HPS1: variants seen among roughly 807,000 people sequenced by gnomAD.
HPS1 encodes HPS1 biogenesis of lysosomal organelles complex 3 subunit 1.
HPS1 carries 59 observed loss-of-function variants against 90.6 expected under a neutral mutation model. That is an observed-to-expected ratio of 0.65 (90% CI 0.53 to 0.81). The LOEUF (loss-of-function observed/expected upper bound fraction) is 0.81. Among genes scored for constraint, HPS1 ranks in the 30% least tolerant of loss-of-function variants. The pLI, the probability that HPS1 is intolerant of heterozygous loss-of-function variation, is 0.00. For synonymous variants in HPS1, 388 were observed against 384.4 expected (o/e 1.01, Z -0.11); for missense variants, 849 against 896.7 (o/e 0.95, Z 0.68).
At chr10:98,429,982 C>G in intron 8 of HPS1, 93 bp from the exon 9 acceptor site, 2 of 994,826 alleles carry the variant, frequency 2.0e-6, no homozygotes, top group South Asian at 2.9e-5. Flanking sequence ...GAAGCCTCCA[C>G]CCCTCCACCC....
chr10:98,444,855 C>T (rs1010700067), intron 2 of HPS1, among the ~76,000 whole-genome samples: 2 of 151,952 alleles, frequency 1.3e-5, no homozygotes, highest in African/African-American at 4.8e-5. Context: ...GGCGGGTGGA[C>T]CTGAAGAGGC....
At chr10:98,429,669 G>T in intron 9 of HPS1, 27 bp from the exon 10 acceptor site, 2 of 1,614,108 alleles carry the variant, frequency 1.2e-6, no homozygotes, top group Non-Finnish European at 1.7e-6. Context: ...GGCTCAGGTT[G>T]AGAGGCTCTC....
Position 98,425,647 on chromosome 10 carries a change from T to C in HPS1, c.1229A>G (p.Lys410Arg). 2 of 1,613,766 alleles carry C rather than the reference T, an allele frequency of 1.2e-6. No homozygotes were observed. The highest frequency in any genetic ancestry group is 1.7e-6 in the Non-Finnish European group (2 of 1,179,946). ...DGFSMLEKKL[K>R]EGPEPGASLR... Reference sequence around the variant, plus strand: ...GGAGGCCCCGGGCTCCGGCCCTTCCTTCAGCTTCTTCTCCAGCATGGAGAA... The same window carrying C: ...GGAGGCCCCGGGCTCCGGCCCTTCCCTCAGCTTCTTCTCCAGCATGGAGAA... The change falls in exon 13 of 20, where the codon AAG (lysine) becomes AGG (arginine). Residue 410 changes from lysine (K) to arginine (R), a missense_variant. Lys to Arg is a conservative substitution (Grantham distance 26, BLOSUM62 2). Coordinates refer to ENST00000361490, the MANE Select transcript of HPS1 (RefSeq NM_000195.5).
At chr10:98,442,653 G>A (rs1358212076) in intron 3 of HPS1, 4 of 230,640 alleles carry the variant, frequency 1.7e-5, no homozygotes, top group South Asian at 6.2e-5. Flanking sequence ...CTATAGGCAC[G>A]CACCACCACA....
chr10:98,421,110 A>G (rs1844793450), intron 17 of HPS1, among the ~76,000 whole-genome samples: 1 of 152,242 alleles, frequency 6.6e-6, no homozygotes, highest in Non-Finnish European at 1.5e-5. Context: ...AGGGCTGGGA[A>G]GAGACTCGAG....
chr10:98,417,101 A>G lies in HPS1; in HGVS notation c.*463T>C, dbSNP rs1432457581. On this transcript the variant is annotated 3_prime_UTR_variant, in exon 20 of 20. Transcript: ENST00000361490. The surrounding 1 kb of genome is among the most constrained non-coding windows in gnomAD (Gnocchi z 4.2). ...CACACCACCCTGGGACGGAGGTGCC[A>G]TCGCTTTAAACGTGGGGAATAGAAG... The G allele has an allele frequency of 6.4e-6, 1 of 157,002 alleles. No homozygotes were observed. The highest frequency in any genetic ancestry group is 1.4e-5 in the Non-Finnish European group (1 of 71,324). The allele number at this position is 157,002 out of a possible 1,614,324, so 9.7% of individuals were successfully genotyped here. A position where few individuals can be genotyped will look rare whatever the true frequency, so the allele number is the denominator to read the frequency against.
chr10:98,424,532 C>G (rs1325651113), intron 13 of HPS1, among the ~76,000 whole-genome samples, 158 bp from the exon 14 acceptor site: 1 of 152,214 alleles, frequency 6.6e-6, no homozygotes, highest in Non-Finnish European at 1.5e-5. Context: ...CCCACCAGCC[C>G]CCTGCAGACT....
At chr10:98,414,122 C>T (rs999432982), downstream of HPS1, 9 of 151,796 alleles carry the variant, frequency 5.9e-5, no homozygotes, top group Admixed American at 5.9e-4. Context: ...CACACACATA[C>T]ATCACACATT....
intron 5 of HPS1, among the ~76,000 whole-genome samples, chr10:98,434,909 A>G (rs1463490907): frequency 2.6e-5 from 4 of 152,112 alleles, no homozygotes; most frequent in African/African-American, 7.2e-5. Flanking sequence ...GAGAGTCTGA[A>G]GCTTGAGAAG....
At chr10:98,429,362 C>T (rs1846044673) in intron 10 of HPS1, 5 of 1,499,874 alleles carry the variant, frequency 3.3e-6, no homozygotes, top group Non-Finnish European at 4.4e-6. Context: ...CTTTAGGGAT[C>T]AGTGGAGTGG....
chr10:98,426,706 T>C (rs1002933859), intron 11 of HPS1, among the ~76,000 whole-genome samples: 1 of 151,912 alleles, frequency 6.6e-6, no homozygotes, highest in Admixed American at 6.6e-5. Context: ...CACGTTAGTA[T>C]CCAAATCTGA....
chr10:98,420,191 C>A (rs780922222), intron 17 of HPS1, 33 bp from the exon 18 acceptor site: 4 of 1,499,766 alleles, frequency 2.7e-6, no homozygotes, highest in Non-Finnish European at 3.7e-6. Flanking sequence ...CACCACTCTC[C>A]CAGCCTTGGT....
At chr10:98,427,146 C>T in intron 11 of HPS1, 69 bp downstream of exon 11, 1 of 1,346,592 alleles carries the variant, frequency 7.4e-7, no homozygotes, top group Non-Finnish European at 1.0e-6. Context: ...GCGAAACCCT[C>T]AGAGCCCCCA....
At chr10:98,446,096 A>T (rs370805401) in intron 1 of HPS1, among the ~76,000 whole-genome samples, 11 of 152,198 alleles carry the variant, frequency 7.2e-5, no homozygotes, top group Admixed American at 1.3e-4. Context: ...ATTTGAATAG[A>T]GGGCAGGAAC....
chr10:98,415,300 C>G, downstream of HPS1: 1 of 977,630 alleles, frequency 1.0e-6, no homozygotes, highest in Non-Finnish European at 1.5e-6. Context: ...CAGCCTCCTG[C>G]TGCCCTGGGG....
chr10:98,425,762 TG>T, intron 12 of HPS1, 42 bp from the exon 13 acceptor site: 2 of 1,598,444 alleles, frequency 1.3e-6, no homozygotes, highest in South Asian at 1.1e-5. Flanking sequence ...GGGCTGCCCC[TG>T]GGGAAGACGT....
chr10:98,434,305 A>G (rs1472742095), intron 5 of HPS1, among the ~76,000 whole-genome samples: 1 of 151,996 alleles, frequency 6.6e-6, no homozygotes, highest in Admixed American at 6.6e-5. Context: ...CAGCTGAGCA[A>G]ATCACCTCAC....
Position 98,417,749 on chromosome 10 carries a change from G to A in HPS1, c.1941-23C>T. On this transcript the variant is annotated intron_variant, in intron 19 of 19. Transcript: ENST00000361490. This position sits in a 1 kb window ranked among gnomAD's most constrained non-coding sequence, Gnocchi z 4.2. ...TTCCTGGGGAGGAAGGGGAGGATGG[G>A]ATTCAGGAGTGAGGCTGTGGCACTC... 1 of 1,612,232 alleles carries A rather than the reference G, an allele frequency of 6.2e-7. No homozygotes were observed. Among genetic ancestry groups the A allele is most frequent in the Non-Finnish European group, 8.5e-7 (1 of 1,178,794 alleles).
Position 98,420,106 on chromosome 10 carries a change from G to C in HPS1, c.1796C>G (p.Thr599Arg). 6.2e-7 allele frequency: 1 copy of C among 1,614,104 alleles called. No homozygotes were observed. Among genetic ancestry groups the C allele is most frequent in the East Asian group, 2.2e-5 (1 of 44,886 alleles). ...ARRYLQKGYTTLLFQEGDFYC... is the reference protein window; with the variant it reads ...ARRYLQKGYTRLLFQEGDFYC... ...GAAATCCCCCTCCTGGAACAGCAGC[G>C]TGGTGTAGCCCTTCTGCAGGTATCT... The change falls in exon 18 of 20, where the codon ACG becomes AGG. Residue 599 changes from threonine (T) to arginine (R), a missense_variant. Thr to Arg is a moderately conservative substitution (Grantham distance 71). Transcript: ENST00000361490.
Sources: allele counts gnomAD v4.1 joint callset (sites outside exome capture counted in the v4.1 genomes callset), GRCh38; gene constraint gnomAD v4.1.1; non-coding constraint Gnocchi (gnomAD v3.1); transcripts MANE v1.5; gene names NCBI Gene and HGNC (gene_info 2026-07-23, HGNC 2026-07-21).